DOK7: variants seen among roughly 807,000 people sequenced by gnomAD.
DOK7 encodes the protein protein Dok-7.
Under a neutral mutation model 30.7 loss-of-function variants are expected in DOK7, and 32 were observed. The ratio of observed to expected loss-of-function variants is 1.04; its 90% confidence interval spans 0.79 to 1.40. DOK7 has a LOEUF of 1.40. Ranked by LOEUF, DOK7 falls within the 40% of genes most tolerant of loss-of-function variation. The probability of loss-of-function intolerance (pLI) is 0.00; values close to 1 mark genes in which losing one functional copy is unlikely to be tolerated. For missense variants in DOK7, 1,007 were observed against 699.2 expected (o/e 1.44, Z -4.97); for synonymous variants, 447 against 324.1 (o/e 1.38, Z -4.07).
At chr4:3,470,368 G>C (rs1726687945) in intron 2 of DOK7, among the ~76,000 whole-genome samples, 1 of 152,230 alleles carries the variant, frequency 6.6e-6, no homozygotes, top group Non-Finnish European at 1.5e-5. Context: ...TCTTGCTGGG[G>C]GCCACGCTCA....
chr4:3,468,452 CTG>C (rs1423587696), intron 2 of DOK7, among the ~76,000 whole-genome samples: 10 of 139,552 alleles, frequency 7.2e-5, no homozygotes, highest in Non-Finnish European at 1.1e-4. Context: ...GAGTGTGTGC[CTG>C]TGTGTGCATG....
At chr4:3,466,715 C>T (rs58996039) in intron 2 of DOK7, among the ~76,000 whole-genome samples, 18,092 of 152,212 alleles carry the variant, frequency 0.12, 1,244 homozygotes, top group South Asian at 0.3. Flanking sequence ...GCTCATTCCC[C>T]GCCTGCGTCC....
At chr4:3,476,689 C>A in intron 4 of DOK7, 147 bp downstream of exon 4, 1 of 1,047,994 alleles carries the variant, frequency 9.5e-7, no homozygotes, top group Non-Finnish European at 1.4e-6. Context: ...AGTCTCCCCA[C>A]GCTCGATGTC....
chr4:3,484,591 C>T (rs949855486), intron 4 of DOK7: 33 of 985,260 alleles, frequency 3.3e-5, no homozygotes, highest in East Asian at 1.1e-4. Flanking sequence ...GGGAGGGCAG[C>T]GCCCCCGTGA....
intron 2 of DOK7, among the ~76,000 whole-genome samples, chr4:3,470,923 G>C (rs1726719281): frequency 6.6e-6 from 1 of 152,226 alleles, no homozygotes; most frequent in East Asian, 1.9e-4. Context: ...TGCCGGAGCT[G>C]TCTGCCAGGG....
At chr4:3,478,859 C>T (rs935089414) in intron 4 of DOK7, among the ~76,000 whole-genome samples, 1 of 152,154 alleles carries the variant, frequency 6.6e-6, no homozygotes, top group African/African-American at 2.4e-5. Flanking sequence ...TAGACTCGGC[C>T]AAGCGGTGGT....
rs572574227 is a variant in DOK7 at position 3,474,890 on chromosome 4, C to T, written c.331+1254C>T. On this transcript the variant is annotated intron_variant, in intron 3 of 6. Coordinates refer to ENST00000340083, the MANE Select transcript of DOK7 (RefSeq NM_173660.5). ...TTGTGCCACTGCCCTCTAGCCTGGGCGACAGAGTGAGACCCTGTCTCAAAA... is the reference window on the plus strand; with the variant it reads ...TTGTGCCACTGCCCTCTAGCCTGGGTGACAGAGTGAGACCCTGTCTCAAAA... Among the ~76,000 whole-genome samples, 103 of 152,052 alleles carry T rather than the reference C, an allele frequency of 6.8e-4. 2 individuals carry two copies. The South Asian group carries it at 0.021, about 30-fold the overall frequency.
intron 6 of DOK7, among the ~76,000 whole-genome samples, chr4:3,490,675 C>G (rs1182675595): frequency 1.2e-5 from 1 of 82,540 alleles, no homozygotes; most frequent in Non-Finnish European, 2.3e-5. Context: ...TTCCTCCCTT[C>G]CCCGCATTCC....
At chr4:3,491,399 C>CATTCATTCCTTCCTGCTT (rs1728424842) in intron 6 of DOK7, among the ~76,000 whole-genome samples, 2 of 146,638 alleles carry the variant, frequency 1.4e-5, no homozygotes, top group East Asian at 4.1e-4. Context: ...CCTTCCTGCT[C>CATTCATTCCTTCCTGCTT]ACCCCAGCTT....
intron 6 of DOK7, chr4:3,500,157 G>A (rs1395052412): frequency 1.1e-5 from 16 of 1,426,708 alleles, no homozygotes; most frequent in South Asian, 1.3e-5. Flanking sequence ...GGGGAGGAGG[G>A]GCTAGGCAGG....
At chr4:3,491,086 C>A (rs1728367995) in intron 6 of DOK7, among the ~76,000 whole-genome samples, 1 of 121,174 alleles carries the variant, frequency 8.3e-6, no homozygotes, top group African/African-American at 3.1e-5. Context: ...TCTCCCCACT[C>A]CTGCTCATTA....
chr4:3,476,690 G>A (rs369531932), intron 4 of DOK7, 148 bp downstream of exon 4: 24 of 1,049,132 alleles, frequency 2.3e-5, no homozygotes, highest in Admixed American at 9.9e-5. Context: ...GTCTCCCCAC[G>A]CTCGATGTCC....
At chr4:3,495,366 G>A (rs1032320860), downstream of DOK7, among the ~76,000 whole-genome samples, 3 of 152,210 alleles carry the variant, frequency 2.0e-5, no homozygotes, top group African/African-American at 2.4e-5. Context: ...CCCACGGGTC[G>A]CCTGCCCAAG....
chr4:3,500,274 G>T (rs1174491660), exon 7 of DOK7: 2 of 1,535,888 alleles, frequency 1.3e-6, no homozygotes, highest in Non-Finnish European at 1.7e-6. Flanking sequence ...CGTGGCTGTG[G>T]ACAGCCCAGG....
At chr4:3,500,209 C>G (rs1419721871) in intron 6 of DOK7, 2 of 1,530,132 alleles carry the variant, frequency 1.3e-6, no homozygotes. Context: ...ATCTGTGCCC[C>G]TCTCGGTCCC....
In DOK7 at chr4:3,463,402, C is replaced by T; in HGVS notation, c.27C>T (p.Gly9=). The T allele has an allele frequency of 2.0e-6, 3 of 1,464,012 alleles. No individual in the cohort carries two copies. Among genetic ancestry groups the T allele is most frequent in the Non-Finnish European group, 1.8e-6 (2 of 1,119,078 alleles). 90.7% of individuals were successfully genotyped at this position (1,464,012 alleles called of 1,614,324 possible). The change falls in exon 1 of 7, where the codon GGC becomes GGT. Residue 9 remains glycine (G), a synonymous_variant. Coordinates refer to ENST00000340083, the MANE Select transcript of DOK7 (RefSeq NM_173660.5). The part of the protein sequence containing the change: MTEAALVE[G]QVKLRDGKKW... ...TGACCGAGGCGGCGCTGGTGGAGGG[C>T]CAGGTCAAGCTGCGGGACGGCAAGA...
intron 4 of DOK7, chr4:3,484,630 C>T (rs114376366): frequency 0.039 from 38,818 of 985,456 alleles, 1,010 homozygotes; most frequent in African/African-American, 0.11. Flanking sequence ...CCACGGGTGG[C>T]GGCTGCATCG....
rs1281743148 is a variant in DOK7 at position 3,494,251 on chromosome 4, G to A, written c.*750G>A. The A allele has an allele frequency of 2.0e-6, 2 of 985,410 alleles. No individual in the cohort carries two copies. The highest frequency in any genetic ancestry group is 2.4e-6 in the Non-Finnish European group (2 of 830,006). 61.0% of individuals were successfully genotyped at this position (985,410 alleles called of 1,614,324 possible). A position where few individuals can be genotyped will look rare whatever the true frequency, so the allele number is the denominator to read the frequency against. On this transcript the variant is annotated 3_prime_UTR_variant, in exon 7 of 7. Transcript: ENST00000340083. ...TCTGAACCTCCTCGCAGGGCCAAAG[G>A]CTGGCTTGGCCTGTGTTTCCCCTGG...
In DOK7 at chr4:3,476,294, C is replaced by T. The variant is rs1249769045; in HGVS notation, c.332-48C>T. 9 of 1,468,344 alleles carry T rather than the reference C, an allele frequency of 6.1e-6. 3 individuals are homozygous for T. In the African/African-American group the frequency reaches 7.4e-5, roughly 12 times the overall value. The allele number at this position is 1,468,344 out of a possible 1,614,324, so 91.0% of individuals were successfully genotyped here. A position where few individuals can be genotyped will look rare whatever the true frequency, so the allele number is the denominator to read the frequency against. On this transcript the variant is annotated intron_variant, in intron 3 of 6. Transcript: ENST00000340083. ...TCTCACCCCACCCGCCCGTGATGTC[C>T]TCTCACCCTGCCCGCCCGTGATGCC...
Sources: allele counts gnomAD v4.1 joint callset (sites outside exome capture counted in the v4.1 genomes callset), GRCh38; gene constraint gnomAD v4.1.1; transcripts MANE v1.5; gene names NCBI Gene and HGNC (gene_info 2026-07-23, HGNC 2026-07-21).